The following EBF4 variants were observed in gnomAD, a reference collection of about 807,000 sequenced individuals.
EBF4 encodes the protein EBF transcription factor 4, also known as transcription factor COE4.
EBF4 carries 34 observed loss-of-function variants against 67.1 expected under a neutral mutation model. That is an observed-to-expected ratio of 0.51 (90% CI 0.39 to 0.67). EBF4 has a LOEUF of 0.67. EBF4 is among the 30% of genes least tolerant of loss of function. The probability of loss-of-function intolerance (pLI) is 0.00; values close to 1 mark genes in which losing one functional copy is unlikely to be tolerated. For missense variants in EBF4, 837 were observed against 873.3 expected, an observed-to-expected ratio of 0.96 and a Z score of 0.52; for synonymous variants, 387 against 377.7, an observed-to-expected ratio of 1.02 and a Z score of -0.29.
intron 6 of EBF4, among the ~76,000 whole-genome samples, chr20:2,724,303 T>G (rs936129737): frequency 1.3e-5 from 2 of 152,248 alleles, no homozygotes; most frequent in Non-Finnish European, 2.9e-5. Context: ...ACACCTGCCC[T>G]ATTTTTTAAA....
intron 6 of EBF4, among the ~76,000 whole-genome samples, chr20:2,714,396 A>G (rs556017883): frequency 3.2e-4 from 47 of 148,046 alleles, no homozygotes; most frequent in African/African-American, 8.5e-4. Flanking sequence ...TCTGTTGCCC[A>G]GGCTGGAGTG....
At chr20:2,709,527 C>A (rs74438778) in intron 5 of EBF4, 47 bp from the exon 6 acceptor site, 143,151 of 1,517,690 alleles carry the variant, frequency 0.094, 7,687 homozygotes, top group Admixed American at 0.16. Context: ...TCGTGGCCCC[C>A]TCCTTCCTTG....
chr20:2,743,084 C>G (rs2087991531), intron 6 of EBF4, among the ~76,000 whole-genome samples: 1 of 152,214 alleles, frequency 6.6e-6, no homozygotes, highest in Admixed American at 6.5e-5. Context: ...CACATCTGGC[C>G]TCTGTGCAGA....
At chr20:2,728,061 T>A (rs2087767924) in intron 6 of EBF4, among the ~76,000 whole-genome samples, 1 of 152,230 alleles carries the variant, frequency 6.6e-6, no homozygotes, top group African/African-American at 2.4e-5. Context: ...CATGTTTAAC[T>A]CAGATTAACC....
Position 2,749,714 on chromosome 20 carries a change from GT to G in EBF4, c.854del (p.Leu285CysfsTer35). 6.4e-7 allele frequency: 1 copy of G among 1,553,596 alleles called. No homozygotes were observed. The highest frequency in any genetic ancestry group is 8.7e-7 in the Non-Finnish European group (1 of 1,148,698). ...TCATCGGCGACAACTTCTTCGACGG[GT>G]TGCAGGTCGTGTTCGGAAACGTGCT... On this transcript the variant is annotated frameshift_variant, in exon 9 of 17. Transcript: ENST00000609451. LOFTEE classifies it high-confidence loss of function.
intron 6 of EBF4, among the ~76,000 whole-genome samples, chr20:2,724,027 A>C (rs529908404): frequency 5.1e-4 from 77 of 152,340 alleles, no homozygotes; most frequent in African/African-American, 1.6e-3. Context: ...ATTCTTAAGA[A>C]AGTCATAATT....
chr20:2,698,328 C>T (rs1337776720), intron 1 of EBF4, among the ~76,000 whole-genome samples: 1 of 152,254 alleles, frequency 6.6e-6, no homozygotes, highest in Non-Finnish European at 1.5e-5. Context: ...TGCCTGCAGC[C>T]ACCAGGTCCT....
At position 2,749,380 on chromosome 20, in the gene EBF4, T is replaced by A. The variant is rs773251916; in HGVS notation, c.640-21T>A. 1.2e-4 allele frequency: 181 copies of A among 1,508,920 alleles called. 1 individual carries two copies. Among genetic ancestry groups the A allele is most frequent in the Admixed American group, 3.8e-4 (18 of 47,610 alleles). 93.5% of individuals were successfully genotyped at this position (1,508,920 alleles called of 1,614,324 possible). A position where few individuals can be genotyped will look rare whatever the true frequency, so the allele number is the denominator to read the frequency against. On this transcript the variant is annotated intron_variant, in intron 7 of 16. Coordinates refer to ENST00000609451, the Ensembl canonical transcript of EBF4. ...GAGCCCCCGAGGGCCCCAGCCAGGC[T>A]GGCCTCGGCTCTCCCCGCAGGTGGT...
chr20:2,725,076 T>C (rs1402907750), intron 6 of EBF4, among the ~76,000 whole-genome samples: 2 of 152,242 alleles, frequency 1.3e-5, no homozygotes, highest in African/African-American at 2.4e-5. Context: ...GGCTTATTTA[T>C]ATCTATGGAT....
chr20:2,706,718 G>A (rs937955800), intron 4 of EBF4, among the ~76,000 whole-genome samples: 1 of 152,160 alleles, frequency 6.6e-6, no homozygotes, highest in African/African-American at 2.4e-5. Context: ...AGGGTAGCAC[G>A]TAACCTCTGA....
chr20:2,748,400 G>C, intron 6 of EBF4, 149 bp from the exon 7 acceptor site: 2 of 704,532 alleles, frequency 2.8e-6, no homozygotes, highest in Non-Finnish European at 4.8e-6. Flanking sequence ...GGTATATGGA[G>C]GCCATGATGG....
intron 6 of EBF4, among the ~76,000 whole-genome samples, chr20:2,710,169 GTGTT>G (rs1328741044): frequency 6.6e-6 from 1 of 152,206 alleles, no homozygotes; most frequent in Non-Finnish European, 1.5e-5. Context: ...TTGTGTGTGT[GTGTT>G]TGTTTTGTTT....
intron 1 of EBF4, among the ~76,000 whole-genome samples, chr20:2,699,199 C>G (rs1275255075): frequency 6.6e-6 from 1 of 152,184 alleles, no homozygotes. Flanking sequence ...TCTGCAGCTG[C>G]TGGCATCTCC....
intron 6 of EBF4, among the ~76,000 whole-genome samples, chr20:2,741,562 C>T (rs183515685): frequency 3.9e-5 from 6 of 152,262 alleles, no homozygotes; most frequent in Middle Eastern, 3.4e-3. Context: ...ATGGACAAGA[C>T]GTTTCTTTTC....
chr20:2,696,397 G>A lies in EBF4; in HGVS notation c.137+2615G>A, dbSNP rs763918869. Among the ~76,000 whole-genome samples the A allele has an allele frequency of 3.3e-5, 5 of 152,088 alleles. No homozygotes were observed. The highest frequency in any genetic ancestry group is 7.4e-5 in the Non-Finnish European group (5 of 68,010). On this transcript the variant is annotated intron_variant, in intron 1 of 16. Coordinates refer to ENST00000609451, the Ensembl canonical transcript of EBF4. This position sits in a 1 kb window ranked among gnomAD's most constrained non-coding sequence, Gnocchi z 4.7. The stretch of plus-strand genomic sequence containing the variant: ...TGAGGTGGGAGGATTGCTTGAGCCC[G>A]GGAGGCAGAGGCTTCGGTGAGCCAA...
Position 2,751,907 on chromosome 20 carries a change from TC to T in EBF4, c.1108-10del. On this transcript the variant is annotated splice_polypyrimidine_tract_variant and intron_variant, in intron 11 of 16. Coordinates refer to ENST00000609451, the Ensembl canonical transcript of EBF4. The surrounding 1 kb of genome is among the most constrained non-coding windows in gnomAD (Gnocchi z 5.2). ...GGCTGCCCCTCCGTCCCGCTGTCTC[TC>T]CCCCTGTCCCCAGGAAGTGCTGCTG... The T allele has an allele frequency of 6.5e-7, 1 of 1,543,614 alleles. No individual in the cohort carries two copies. Among genetic ancestry groups the T allele is most frequent in the East Asian group, 2.4e-5 (1 of 40,876 alleles).
chr20:2,723,511 G>A (rs570989151), intron 6 of EBF4, among the ~76,000 whole-genome samples: 5 of 151,416 alleles, frequency 3.3e-5, no homozygotes, highest in East Asian at 1.9e-4. Context: ...CACCACGCCC[G>A]GCTAATTTTT....
At chr20:2,712,665 C>T (rs1273468803) in intron 6 of EBF4, among the ~76,000 whole-genome samples, 1 of 152,026 alleles carries the variant, frequency 6.6e-6, no homozygotes, top group Non-Finnish European at 1.5e-5. Flanking sequence ...ATGAAATCAT[C>T]GAGGGGATGA....
At chr20:2,752,495 C>A in exon 14 of EBF4, 1 of 1,259,336 alleles carries the variant, frequency 7.9e-7, no homozygotes, top group Non-Finnish European at 1.0e-6. Flanking sequence ...CTCGGCGTGC[C>A]TGGGTCCCCC....
Sources: allele counts gnomAD v4.1 joint callset (sites outside exome capture counted in the v4.1 genomes callset), GRCh38; gene constraint gnomAD v4.1.1; non-coding constraint Gnocchi (gnomAD v3.1); transcripts MANE v1.5; gene names NCBI Gene and HGNC (gene_info 2026-07-23, HGNC 2026-07-21).